ZEB2: variants seen among roughly 807,000 people sequenced by gnomAD.
The protein encoded by ZEB2 is zinc finger E-box binding homeobox 2, also known as zinc finger E-box-binding homeobox 2.
Under a neutral mutation model 99.9 loss-of-function variants are expected in ZEB2, and 6 were observed. The observed-to-expected ratio is 0.06, with a 90% CI of 0.03 to 0.12. The LOEUF (loss-of-function observed/expected upper bound fraction) is 0.12, where lower values mean the gene tolerates loss of function less well. Ranked by LOEUF, ZEB2 falls within the 10% of genes least tolerant of loss-of-function variation. The pLI is 1.00. For synonymous variants in ZEB2, 517 were observed against 542.5 expected, an observed-to-expected ratio of 0.95 and a Z score of 0.65; for missense variants, 969 against 1,502.8, an observed-to-expected ratio of 0.64 and a Z score of 5.87.
intron 2 of ZEB2, among the ~76,000 whole-genome samples, chr2:144,503,132 G>A (rs1160021629): frequency 1.3e-5 from 2 of 152,156 alleles, no homozygotes; most frequent in Non-Finnish European, 2.9e-5. Context: ...TAACAGCTAA[G>A]AGGCTACTGG....
intron 4 of ZEB2, chr2:144,424,532 C>A: frequency 1.6e-6 from 1 of 636,538 alleles, no homozygotes; most frequent in Admixed American, 2.1e-5. Context: ...TCACCCAACT[C>A]ATGCACTGAA....
intron 2 of ZEB2, chr2:144,514,489 C>A (rs1320928307): frequency 6.6e-6 from 1 of 152,148 alleles, no homozygotes; most frequent in Non-Finnish European, 1.5e-5. Flanking sequence ...AGCAAAGACA[C>A]AAGCTCAAAA....
At chr2:144,500,789 C>T (rs1216040216) in intron 2 of ZEB2, among the ~76,000 whole-genome samples, 1 of 152,140 alleles carries the variant, frequency 6.6e-6, no homozygotes, top group African/African-American at 2.4e-5. Flanking sequence ...GCACAACTCA[C>T]TCAGATCTGT....
rs1055279522 is a variant in ZEB2 at position 144,387,797 on chromosome 2, A to G, written c.*1654T>C. 1 of 152,214 alleles carries G rather than the reference A, an allele frequency of 6.6e-6. No homozygotes were observed. Among genetic ancestry groups the G allele is most frequent in the Non-Finnish European group, 1.5e-5 (1 of 68,012 alleles). The allele number at this position is 152,214 out of a possible 1,614,324, so 9.4% of individuals were successfully genotyped here. ...GAATAATATAACCTCACATAAAAAT[A>G]CACAATCTGGAATCAGGATCAGTTG... is the stretch of plus-strand genomic sequence containing the variant. On this transcript the variant is annotated 3_prime_UTR_variant, in exon 10 of 10. Transcript: ENST00000627532.
At chr2:144,419,467 TCA>T (rs542428907) in intron 4 of ZEB2, among the ~76,000 whole-genome samples, 10 of 152,212 alleles carry the variant, frequency 6.6e-5, no homozygotes, top group Non-Finnish European at 1.5e-4. Flanking sequence ...AATATAACTT[TCA>T]CACATTCAAA....
At chr2:144,425,576 T>C (rs1299163148) in intron 3 of ZEB2, among the ~76,000 whole-genome samples, 1 of 152,114 alleles carries the variant, frequency 6.6e-6, no homozygotes, top group Admixed American at 6.6e-5. Context: ...AGTGTTCTGA[T>C]GAAGGTGAAT....
intron 4 of ZEB2, among the ~76,000 whole-genome samples, chr2:144,410,138 T>C (rs915942916): frequency 6.6e-6 from 1 of 152,038 alleles, no homozygotes; most frequent in Non-Finnish European, 1.5e-5. Context: ...CTCGATCTCC[T>C]GACCTCGTGA....
intron 2 of ZEB2, among the ~76,000 whole-genome samples, chr2:144,438,384 C>A (rs1703863876): frequency 6.6e-6 from 1 of 151,788 alleles, no homozygotes. Context: ...TGTGGCTCAT[C>A]TTAATAGATC....
intron 2 of ZEB2, among the ~76,000 whole-genome samples, chr2:144,440,026 A>T (rs1207723244): frequency 1.3e-5 from 2 of 152,264 alleles, no homozygotes; most frequent in Admixed American, 6.5e-5. Context: ...ACACAAAAGA[A>T]TAAAGTGGCT....
At chr2:144,415,867 A>G (rs577225521) in intron 4 of ZEB2, among the ~76,000 whole-genome samples, 4 of 152,282 alleles carry the variant, frequency 2.6e-5, no homozygotes, top group South Asian at 4.1e-4. Flanking sequence ...AAAGTCATCC[A>G]TTTTCACCGT....
intron 2 of ZEB2, among the ~76,000 whole-genome samples, chr2:144,508,516 C>T (rs971848868): frequency 1.3e-5 from 2 of 152,088 alleles, no homozygotes; most frequent in Admixed American, 6.6e-5. Context: ...CACTCTTTTT[C>T]GAAACTAAAT....
At chr2:144,439,332 A>G (rs1703877666) in intron 2 of ZEB2, among the ~76,000 whole-genome samples, 1 of 152,168 alleles carries the variant, frequency 6.6e-6, no homozygotes, top group Admixed American at 6.5e-5. Context: ...CCCAGGTCTA[A>G]AGGAGCAAAA....
chr2:144,422,624 A>T (rs535082278), intron 4 of ZEB2, among the ~76,000 whole-genome samples: 1 of 152,232 alleles, frequency 6.6e-6, no homozygotes, highest in Admixed American at 6.5e-5. Context: ...ACATGGTGAA[A>T]CCCCGTCTCT....
In ZEB2 at chr2:144,386,475, G is replaced by A. The variant is rs1703085108; in HGVS notation, c.*2976C>T. ...TGATATTTTCAGACTCAGGTATTCT[G>A]AGCCTGCCTATGAAATGGAGTTAGG... On this transcript the variant is annotated 3_prime_UTR_variant, in exon 10 of 10. Coordinates refer to ENST00000627532, the MANE Select transcript of ZEB2 (RefSeq NM_014795.4). 2 of 152,126 alleles carry A rather than the reference G, an allele frequency of 1.3e-5. No homozygotes were observed. The highest frequency in any genetic ancestry group is 4.1e-4 in the South Asian group (2 of 4,826). 9.4% of individuals were successfully genotyped at this position (152,126 alleles called of 1,614,324 possible). A position where few individuals can be genotyped will look rare whatever the true frequency, so the allele number is the denominator to read the frequency against.
chr2:144,404,485 C>A (rs753696543), intron 5 of ZEB2, among the ~76,000 whole-genome samples: 1 of 151,366 alleles, frequency 6.6e-6, no homozygotes, highest in Non-Finnish European at 1.5e-5. Context: ...TGTGAAGGGG[C>A]GTTTCAGGTG....
At chr2:144,491,366 A>AC (rs2149919519) in intron 2 of ZEB2, among the ~76,000 whole-genome samples, 1 of 152,150 alleles carries the variant, frequency 6.6e-6, no homozygotes, top group East Asian at 1.9e-4. Context: ...AGAAAAAAAA[A>AC]AAAAAAAACG....
intron 2 of ZEB2, chr2:144,431,164 A>G (rs559885686): frequency 6.6e-6 from 1 of 152,220 alleles, no homozygotes; most frequent in South Asian, 2.1e-4. Flanking sequence ...TCTGCGCCTA[A>G]TAAAGCAATC....
intron 9 of ZEB2, among the ~76,000 whole-genome samples, chr2:144,395,368 C>T (rs528007274): frequency 1.3e-5 from 2 of 151,996 alleles, no homozygotes; most frequent in Admixed American, 1.3e-4. Context: ...AAAAAGCTTT[C>T]CCCCCAAAGT....
chr2:144,437,950 T>A (rs1703859288), intron 2 of ZEB2, among the ~76,000 whole-genome samples: 1 of 152,224 alleles, frequency 6.6e-6, no homozygotes, highest in African/African-American at 2.4e-5. Flanking sequence ...CTAAACCTTG[T>A]CTGTAACTGT....
Sources: gnomAD v4.1 joint callset for allele counts (sites outside exome capture counted in the v4.1 genomes callset) on GRCh38, gnomAD v4.1.1 for gene constraint, MANE v1.5 for transcripts, NCBI Gene and HGNC (gene_info 2026-07-23, HGNC 2026-07-21) for gene names.